Variants in USH2A observed in about 807,000 individuals in gnomAD.
USH2A encodes Usher syndrome 2A (autosomal recessive, mild).
Under a neutral mutation model 538.9 loss-of-function variants are expected in USH2A, and 443 were observed. The ratio of observed to expected loss-of-function variants is 0.82; its 90% CI spans 0.76 to 0.89. USH2A has a LOEUF of 0.89. USH2A is among the 40% of genes least tolerant of loss of function. The pLI, the probability that USH2A is intolerant of heterozygous loss-of-function variation, is 0.00. For missense variants in USH2A, 6,633 were observed against 6,324.8 expected (o/e 1.05, Z -1.65); for synonymous variants, 2,413 against 2,273.5 (o/e 1.06, Z -1.75).
At chr1:215,772,229 G>C (rs17025395) in intron 55 of USH2A, among the ~76,000 whole-genome samples, 1 of 152,134 alleles carries the variant, frequency 6.6e-6, no homozygotes, top group Non-Finnish European at 1.5e-5. Context: ...AGGATGAGAA[G>C]AGGGAAATAA....
chr1:216,414,710 T>C (rs537846068), intron 3 of USH2A, among the ~76,000 whole-genome samples: 2 of 152,044 alleles, frequency 1.3e-5, no homozygotes, highest in African/African-American at 4.8e-5. Flanking sequence ...AATAGAGTTG[T>C]ATGTTTTATT....
At position 215,967,190 on chromosome 1, in the gene USH2A, A is replaced by G. The variant is rs529400666; in HGVS notation, c.6958-1711T>C. Among the ~76,000 whole-genome samples the G allele has an allele frequency of 1.8e-3, 274 of 152,260 alleles. 1 individual carries two copies. Among genetic ancestry groups the G allele is most frequent in the African/African-American group, 6.4e-3 (265 of 41,564 alleles). On this transcript the variant is annotated intron_variant, in intron 36 of 71. Coordinates refer to ENST00000307340, the MANE Select transcript of USH2A (RefSeq NM_206933.4). ...TTGTAATTCTTTTGTTTGTTTTTAA[A>G]TGGAGTCTCACTCTGTCTCCAAGGC...
intron 50 of USH2A, among the ~76,000 whole-genome samples, chr1:215,797,808 T>C (rs1359218732): frequency 6.6e-6 from 1 of 152,164 alleles, no homozygotes; most frequent in Non-Finnish European, 1.5e-5. Context: ...TACATGCCTA[T>C]TAACACAGCA....
chr1:215,736,763 C>A (rs1660166533), intron 60 of USH2A, among the ~76,000 whole-genome samples: 1 of 151,826 alleles, frequency 6.6e-6, no homozygotes, highest in African/African-American at 2.4e-5. Flanking sequence ...TACTTATAAT[C>A]ATCAAAACTT....
chr1:216,345,449 C>T (rs1331395807), intron 4 of USH2A, among the ~76,000 whole-genome samples: 1 of 152,108 alleles, frequency 6.6e-6, no homozygotes, highest in African/African-American at 2.4e-5. Flanking sequence ...ACTAGGACTG[C>T]TCAGGGAAAG....
intron 52 of USH2A, among the ~76,000 whole-genome samples, chr1:215,785,337 A>G (rs111692225): frequency 0.011 from 1,671 of 152,272 alleles, 33 homozygotes; most frequent in African/African-American, 0.038. Context: ...CTTGAAGTGC[A>G]TTTGGAGCAC....
chr1:215,707,981 A>T (rs1221703916), intron 61 of USH2A, among the ~76,000 whole-genome samples: 1 of 152,202 alleles, frequency 6.6e-6, no homozygotes, highest in African/African-American at 2.4e-5. Context: ...GCAACATGTG[A>T]ACAATTAAAA....
chr1:215,831,449 C>T (rs868251547), intron 47 of USH2A, among the ~76,000 whole-genome samples: 4 of 152,016 alleles, frequency 2.6e-5, no homozygotes, highest in South Asian at 4.1e-4. Flanking sequence ...TAAGATAGAT[C>T]ATATTCTGGG....
chr1:216,232,601 T>C (rs941301085), intron 13 of USH2A, among the ~76,000 whole-genome samples: 1 of 152,232 alleles, frequency 6.6e-6, no homozygotes, highest in Non-Finnish European at 1.5e-5. Flanking sequence ...AAAAAAGTTA[T>C]CTGAAATTCA....
intron 22 of USH2A, among the ~76,000 whole-genome samples, chr1:216,092,992 G>A (rs1031523623): frequency 6.6e-6 from 1 of 151,576 alleles, no homozygotes; most frequent in African/African-American, 2.4e-5. Flanking sequence ...TTGAGACAAG[G>A]TCTCACTCTG....
At chr1:216,052,210 C>G (rs2030809891) in intron 30 of USH2A, among the ~76,000 whole-genome samples, 1 of 151,930 alleles carries the variant, frequency 6.6e-6, no homozygotes, top group Non-Finnish European at 1.5e-5. Context: ...TATTGTATTT[C>G]ATAGAAAAAC....
chr1:215,682,457 G>A (rs1658266182), intron 61 of USH2A, among the ~76,000 whole-genome samples: 1 of 152,070 alleles, frequency 6.6e-6, no homozygotes, highest in Non-Finnish European at 1.5e-5. Flanking sequence ...GGTAACATGA[G>A]TACTTAATGA....
At chr1:215,828,542 G>A (rs542456877) in intron 47 of USH2A, among the ~76,000 whole-genome samples, 2 of 152,308 alleles carry the variant, frequency 1.3e-5, no homozygotes, top group African/African-American at 4.8e-5. Context: ...TTATCAGAAA[G>A]ATTTCTGCAA....
chr1:215,969,928 A>G (rs479826), intron 36 of USH2A, among the ~76,000 whole-genome samples: 61,706 of 152,034 alleles, frequency 0.41, 12,720 homozygotes, highest in Non-Finnish European at 0.44. Flanking sequence ...AAAATGCACC[A>G]AAGTGTAATG....
chr1:215,640,709 C>A lies in USH2A; in HGVS notation c.14817G>T (p.Ser4939=). 1 of 1,613,368 alleles carries A rather than the reference C, an allele frequency of 6.2e-7. No homozygotes were observed. The highest frequency in any genetic ancestry group is 1.1e-5 in the South Asian group (1 of 90,996). The change falls in exon 68 of 72, where the codon TCG becomes TCT. Residue 4939 remains serine (S), a synonymous_variant. Transcript: ENST00000307340. The part of the protein sequence containing the change: ...KELPQYRAPF[S]VDSNLSVVCV... ...ACACCACAGACAAATTGCTGTCCAC[C>A]GAAAATGGGGCTCGGTACTGAGGCA...
chr1:215,714,956 C>T (rs895955822), intron 61 of USH2A, among the ~76,000 whole-genome samples: 1 of 152,034 alleles, frequency 6.6e-6, no homozygotes, highest in Non-Finnish European at 1.5e-5. Flanking sequence ...AATATCATGC[C>T]CCAAATAGGG....
At chr1:215,832,283 A>G (rs1429337818) in intron 47 of USH2A, among the ~76,000 whole-genome samples, 2 of 151,978 alleles carry the variant, frequency 1.3e-5, no homozygotes, top group South Asian at 4.1e-4. Flanking sequence ...CCAAGTTAGT[A>G]TGAGACCAGA....
At chr1:215,973,214 G>T (rs1351818264) in intron 35 of USH2A, among the ~76,000 whole-genome samples, 1 of 151,938 alleles carries the variant, frequency 6.6e-6, no homozygotes, top group Non-Finnish European at 1.5e-5. Flanking sequence ...TTACATAATT[G>T]GGGAACAGAG....
intron 11 of USH2A, among the ~76,000 whole-genome samples, chr1:216,260,216 G>C (rs1302804761): frequency 6.6e-6 from 1 of 152,056 alleles, no homozygotes; most frequent in African/African-American, 2.4e-5. Context: ...AAATTTTGAA[G>C]ACAGAAAATG....
Sources: gnomAD v4.1 joint callset for allele counts (sites outside exome capture counted in the v4.1 genomes callset) on GRCh38, gnomAD v4.1.1 for gene constraint, MANE v1.5 for transcripts, NCBI Gene and HGNC (gene_info 2026-07-23, HGNC 2026-07-21) for gene names.